Variants in RNF168 observed in about 807,000 individuals in gnomAD.
RNF168 encodes E3 ubiquitin-protein ligase RNF168.
RNF168 carries 34 observed loss-of-function variants against 34.9 expected under a neutral mutation model. The ratio of observed to expected loss-of-function variants is 0.97; its 90% CI spans 0.74 to 1.30. The LOEUF is 1.30. Among genes scored for constraint, RNF168 ranks in the 50% most tolerant of loss-of-function variants. The probability of loss-of-function intolerance (pLI) is 0.00; values close to 1 mark genes in which losing one functional copy is unlikely to be tolerated. For missense variants in RNF168, 725 were observed against 682.5 expected (o/e 1.06, Z -0.69); for synonymous variants, 264 against 254.7 (o/e 1.04, Z -0.35).
intron 2 of RNF168, 125 bp downstream of exon 2, chr3:196,488,481 CA>C (rs34023868): frequency 0.015 from 7,189 of 477,472 alleles, no homozygotes; most frequent in East Asian, 0.057. Context: ...GACTCCATCT[CA>C]AAAAAAAAAA....
At position 196,472,381 on chromosome 3, in the gene RNF168, A is replaced by C. The variant is rs760494884; in HGVS notation, c.1154T>G (p.Ile385Ser). 1 of 1,613,726 alleles carries C rather than the reference A, an allele frequency of 6.2e-7. No individual in the cohort carries two copies. Among genetic ancestry groups the C allele is most frequent in the Non-Finnish European group, 8.5e-7 (1 of 1,179,934 alleles). ...EESCLLISKEISKRKNQESSF... is the reference protein window; with the variant it reads ...EESCLLISKESSKRKNQESSF... ...AGATTCTTGGTTTTTTCTTTTGGAA[A>C]TCTCCTTACTGATCAGTAGGCACGA... Residue 385 changes from isoleucine to serine, a missense_variant, in exon 6 of 6, where the codon ATT becomes AGT. Coordinates refer to ENST00000318037, the MANE Select transcript of RNF168 (RefSeq NM_152617.4).
chr3:196,502,863 GT>G lies in RNF168; in HGVS notation c.301+9del. The G allele has an allele frequency of 6.2e-7, 1 of 1,611,198 alleles. No individual in the cohort carries two copies. The highest frequency in any genetic ancestry group is 8.5e-7 in the Non-Finnish European group (1 of 1,177,376). ...GCTTTTGGCCAACAAACACGCCATGGTTTACTCACCCACTTCCTCTGATTCT... is the reference window on the plus strand; with the variant it reads ...GCTTTTGGCCAACAAACACGCCATGGTTACTCACCCACTTCCTCTGATTCT... On this transcript the variant is annotated intron_variant, in intron 1 of 5. Transcript: ENST00000318037.
chr3:196,495,835 G>A (rs1732729259), intron 1 of RNF168, among the ~76,000 whole-genome samples: 1 of 152,194 alleles, frequency 6.6e-6, no homozygotes, highest in African/African-American at 2.4e-5. Context: ...GTCGCAAACA[G>A]AAAGGAAATT....
rs986664501 is a variant in RNF168, at chr3:196,503,462, G to A, written c.-289C>T. 2.3e-6 allele frequency: 1 copy of A among 435,196 alleles called. No individual in the cohort carries two copies. The highest frequency in any genetic ancestry group is 4.3e-6 in the Non-Finnish European group (1 of 234,354). The allele number at this position is 435,196 out of a possible 1,614,324, so 27.0% of individuals were successfully genotyped here. On this transcript the variant is annotated 5_prime_UTR_variant, in exon 1 of 6. Transcript: ENST00000318037. ...CGTCGGAGGAGCCTGGCTGCTCCGCGGCATGAACACCGCGGCTGCGGCTCC... is the reference window on the plus strand; with the variant it reads ...CGTCGGAGGAGCCTGGCTGCTCCGCAGCATGAACACCGCGGCTGCGGCTCC...
At chr3:196,486,332 T>C (rs1190896214) in intron 3 of RNF168, among the ~76,000 whole-genome samples, 2 of 152,152 alleles carry the variant, frequency 1.3e-5, no homozygotes, top group Non-Finnish European at 2.9e-5. Flanking sequence ...ATAATCCTTT[T>C]TAGGTCAATA....
In RNF168 at chr3:196,503,097, G is replaced by C; in HGVS notation, c.77C>G (p.Pro26Arg). The change falls in exon 1 of 6, where the codon CCC becomes CGC. Residue 26 changes from proline to arginine, a missense_variant. Physicochemically the swap from Pro to Arg is moderately radical, Grantham distance 103. Transcript: ENST00000318037. ...CGTGTGGTTACACGGGAGGGTGACG[G>C]GCTCCACGAGGATTTCCATGCAGAT... The part of the protein sequence containing the change: ...CGICMEILVE[P>R]VTLPCNHTLC... 4 of 1,614,128 alleles carry C rather than the reference G, an allele frequency of 2.5e-6. No individual in the cohort carries two copies. Among genetic ancestry groups the C allele is most frequent in the Non-Finnish European group, 3.4e-6 (4 of 1,180,006 alleles).
intron 3 of RNF168, among the ~76,000 whole-genome samples, chr3:196,486,641 A>C (rs1444589193): frequency 2.6e-5 from 4 of 152,254 alleles, no homozygotes; most frequent in African/African-American, 9.6e-5. Flanking sequence ...GGCAAGAAAA[A>C]AGTTGTAAGA....
chr3:196,482,089 G>A (rs771527157), intron 4 of RNF168, among the ~76,000 whole-genome samples: 6 of 151,436 alleles, frequency 4.0e-5, no homozygotes, highest in East Asian at 1.9e-4. Flanking sequence ...TTACAGGTAC[G>A]TGCCACAACA....
intron 4 of RNF168, among the ~76,000 whole-genome samples, chr3:196,479,265 G>C (rs111942422): frequency 6.6e-6 from 1 of 150,736 alleles, no homozygotes; most frequent in Non-Finnish European, 1.5e-5. Flanking sequence ...CACCCGCCTC[G>C]GCCTCCCAAA....
intron 3 of RNF168, among the ~76,000 whole-genome samples, chr3:196,484,170 CCTTT>C (rs1732363208): frequency 1.5e-5 from 1 of 68,402 alleles, no homozygotes; most frequent in Non-Finnish European, 3.0e-5. Context: ...ATCTTTCTTT[CCTTT>C]TTTTTTTTTT....
chr3:196,495,608 C>T (rs757171537), intron 1 of RNF168, among the ~76,000 whole-genome samples: 1 of 152,140 alleles, frequency 6.6e-6, no homozygotes, highest in Non-Finnish European at 1.5e-5. Context: ...TCAGGAGGAC[C>T]GCAATGTTTG....
rs190180334 is a variant in RNF168, at chr3:196,496,037, T to G, written c.301+6836A>C. Among the ~76,000 whole-genome samples the G allele has an allele frequency of 2.7e-3, 413 of 152,326 alleles. 2 individuals carry two copies. The highest frequency in any genetic ancestry group is 9.4e-3 in the Admixed American group (144 of 15,290). On this transcript the variant is annotated intron_variant, in intron 1 of 5. Coordinates refer to ENST00000318037, the MANE Select transcript of RNF168 (RefSeq NM_152617.4). ...ATAAAGTAAATGAGTAGATTCACTT[T>G]ATGTATTATGTGTTAACAAAGTTAA...
At chr3:196,490,086 G>A (rs1472852940) in intron 1 of RNF168, among the ~76,000 whole-genome samples, 1 of 152,110 alleles carries the variant, frequency 6.6e-6, no homozygotes, top group Non-Finnish European at 1.5e-5. Flanking sequence ...CATACACAGA[G>A]CTTTTCTCCT....
At chr3:196,475,042 T>C (rs536495100) in intron 5 of RNF168, 189 bp downstream of exon 5, 4 of 569,806 alleles carry the variant, frequency 7.0e-6, no homozygotes, top group South Asian at 4.1e-5. Flanking sequence ...TTTTGTAGTA[T>C]GTTTATTTAA....
intron 1 of RNF168, among the ~76,000 whole-genome samples, chr3:196,492,130 G>A (rs564143691): frequency 1.6e-4 from 25 of 152,234 alleles, no homozygotes; most frequent in Middle Eastern, 3.4e-3. Context: ...TTAACATGGC[G>A]GATTTTATGT....
rs1731961144 is a variant in RNF168 at position 196,469,996 on chromosome 3, C to A, written c.*1823G>T. On this transcript the variant is annotated 3_prime_UTR_variant, in exon 6 of 6. Transcript: ENST00000318037. ...TGTTTCCTGTGTTCTTTCACAAGGA[C>A]AAGGGAAGAGGATGCTCTGCCAAAC... 1 of 152,240 alleles carries A rather than the reference C, an allele frequency of 6.6e-6. No homozygotes were observed. The highest frequency in any genetic ancestry group is 1.5e-5 in the Non-Finnish European group (1 of 68,052). The allele number at this position is 152,240 out of a possible 1,614,324, so 9.4% of individuals were successfully genotyped here.
intron 1 of RNF168, among the ~76,000 whole-genome samples, chr3:196,497,137 C>T (rs1732761608): frequency 6.6e-6 from 1 of 151,648 alleles, no homozygotes; most frequent in African/African-American, 2.4e-5. Context: ...CAGAGCAAGA[C>T]TCTGTCTCAA....
Position 196,471,723 on chromosome 3 carries a change from G to GA in RNF168, c.*95dup. 2.4e-6 allele frequency: 2 copies of GA among 842,306 alleles called. No homozygotes were observed. The highest frequency in any genetic ancestry group is 4.1e-6 in the Non-Finnish European group (2 of 489,182). 52.2% of individuals were successfully genotyped at this position (842,306 alleles called of 1,614,324 possible). A position where few individuals can be genotyped will look rare whatever the true frequency, so the allele number is the denominator to read the frequency against. On this transcript the variant is annotated 3_prime_UTR_variant, in exon 6 of 6. Coordinates refer to ENST00000318037, the MANE Select transcript of RNF168 (RefSeq NM_152617.4). ...ATTAAGGACAATGAGTGTGCCTAGA[G>GA]AGCAGCATGAATGACACATGGATGA...
Position 196,488,678 on chromosome 3 carries a change from C to T in RNF168, c.307G>A (p.Asp103Asn), listed in dbSNP as rs149773824. The stretch of plus-strand genomic sequence containing the variant: ...CTGAGCAGACGAACTGGCTGATAGT[C>T]ATCAGCTATTTCATATCAAAAAAGA... The part of the protein sequence containing the change: ...SGQESEEVAD[D>N]YQPVRLLSKP... The change falls in exon 2 of 6, where the codon GAC (aspartate) becomes AAC (asparagine). Residue 103 changes from aspartate (D) to asparagine (N), a missense_variant. Physicochemically the swap from Asp to Asn is conservative, Grantham distance 23. Coordinates refer to ENST00000318037, the MANE Select transcript of RNF168 (RefSeq NM_152617.4). 6.6e-3 allele frequency: 10,436 copies of T among 1,587,602 alleles called. 782 individuals are homozygous for T. In the Admixed American group the frequency reaches 0.14, roughly 22 times the overall value.
Sources: allele counts gnomAD v4.1 joint callset (sites outside exome capture counted in the v4.1 genomes callset), GRCh38; gene constraint gnomAD v4.1.1; transcripts MANE v1.5; gene names NCBI Gene and HGNC (gene_info 2026-07-23, HGNC 2026-07-21).